HEATR1: variants seen among roughly 807,000 people sequenced by gnomAD.
The protein encoded by HEATR1 is HEAT repeat-containing protein 1.
Under a neutral mutation model 248.2 loss-of-function variants are expected in HEATR1, and 77 were observed. That is an observed-to-expected ratio of 0.31 (90% confidence interval 0.26 to 0.37). The LOEUF (loss-of-function observed/expected upper bound fraction) is 0.37, where lower values mean the gene tolerates loss of function less well. HEATR1 is among the 10% of genes least tolerant of loss of function. The pLI, the probability that HEATR1 is intolerant of heterozygous loss-of-function variation, is 1.00. For missense variants in HEATR1, 2,420 were observed against 2,504.9 expected (o/e 0.97, Z 0.72); for synonymous variants, 897 against 923.1 (o/e 0.97, Z 0.51).
chr1:236,571,597 A>T lies in HEATR1; in HGVS notation c.3797T>A (p.Leu1266Gln). 6.2e-7 allele frequency: 1 copy of T among 1,614,048 alleles called. No individual in the cohort carries two copies. Among genetic ancestry groups the T allele is most frequent in the Non-Finnish European group, 8.5e-7 (1 of 1,179,896 alleles). ...LSCLLNICQKLSPDGGKIPKD... is the reference protein window; with the variant it reads ...LSCLLNICQKQSPDGGKIPKD... ...GGGTATTTTGCCACCATCTGGAGATAGTTTTTGGCAGATGTTGAGCAGACA... is the reference window on the plus strand; with the variant it reads ...GGGTATTTTGCCACCATCTGGAGATTGTTTTTGGCAGATGTTGAGCAGACA... Residue 1266 changes from leucine (L) to glutamine (Q), a missense_variant, in exon 27 of 45, where the codon CTA becomes CAA. Physicochemically the swap from Leu to Gln is moderately radical, Grantham distance 113. Transcript: ENST00000366582.
At chr1:236,587,676 G>A (rs1024352937) in intron 13 of HEATR1, among the ~76,000 whole-genome samples, 186 bp from the exon 14 acceptor site, 1 of 151,964 alleles carries the variant, frequency 6.6e-6, no homozygotes, top group Non-Finnish European at 1.5e-5. Flanking sequence ...CAGGTCCCAA[G>A]GTATTTGCTA....
intron 26 of HEATR1, among the ~76,000 whole-genome samples, 172 bp from the exon 27 acceptor site, chr1:236,571,858 C>T (rs1663436329): frequency 6.6e-6 from 1 of 152,174 alleles, no homozygotes; most frequent in Non-Finnish European, 1.5e-5. Flanking sequence ...ATTTCTAACT[C>T]TAATTTTCTC....
At chr1:236,587,256 A>T in intron 14 of HEATR1, 146 bp downstream of exon 14, 1 of 387,212 alleles carries the variant, frequency 2.6e-6, no homozygotes, top group Non-Finnish European at 4.8e-6. Flanking sequence ...ATAATGAAAG[A>T]GAGTATTACA....
At chr1:236,604,249 G>A (rs1238843693) in intron 1 of HEATR1, 122 bp from the exon 2 acceptor site, 2 of 689,080 alleles carry the variant, frequency 2.9e-6, no homozygotes, top group Non-Finnish European at 4.4e-6. Flanking sequence ...TGAGATTTGT[G>A]GACCCCGGAG....
chr1:236,551,966 T>G (rs1176386181), intron 44 of HEATR1, 33 bp downstream of exon 44: 3 of 1,348,656 alleles, frequency 2.2e-6, no homozygotes, highest in Middle Eastern at 1.8e-4. Context: ...TATTCCTTAA[T>G]TGTTTAATGG....
At chr1:236,565,014 G>A (rs1663232661) in intron 31 of HEATR1, among the ~76,000 whole-genome samples, 1 of 152,202 alleles carries the variant, frequency 6.6e-6, no homozygotes, top group African/African-American at 2.4e-5. Flanking sequence ...GGTTGGCAGT[G>A]CAGTGTTAAA....
rs767335818 is a variant in HEATR1, at chr1:236,555,546, G to A, written c.5754+5C>T. On this transcript the variant is annotated splice_donor_5th_base_variant and intron_variant, in intron 40 of 44. Transcript: ENST00000366582. ...CAAAAGAGAGGAAGAGGAAGAAAGC[G>A]TCACCTTGAAGAACAGGGGCCTGAA... 42 of 1,614,096 alleles carry A rather than the reference G, an allele frequency of 2.6e-5. No individual in the cohort carries two copies. The highest frequency in any genetic ancestry group is 3.0e-5 in the Non-Finnish European group (35 of 1,179,958).
rs1662934634 is a variant in HEATR1 at position 236,555,312 on chromosome 1, C to A, written c.5907G>T (p.Val1969=). The part of the protein sequence containing the change: ...VKPFADTLNQ[V]NISKTDEAFF... ...ACCACCCACCTGTTTTGGAGATGTTCACCTGGTTCAAGGTGTCAGCAAAAG... is the reference window on the plus strand; with the variant it reads ...ACCACCCACCTGTTTTGGAGATGTTAACCTGGTTCAAGGTGTCAGCAAAAG... Residue 1969 remains valine (V), a synonymous_variant, in exon 41 of 45, where the codon GTG becomes GTT. Transcript: ENST00000366582. 5.6e-6 allele frequency: 9 copies of A among 1,613,972 alleles called. No homozygotes were observed. Among genetic ancestry groups the A allele is most frequent in the Non-Finnish European group, 7.6e-6 (9 of 1,180,016 alleles).
chr1:236,552,044 C>T lies in HEATR1; in HGVS notation c.6301G>A (p.Val2101Ile), dbSNP rs977899516. 6.2e-7 allele frequency: 1 copy of T among 1,613,598 alleles called. No individual in the cohort carries two copies. Among genetic ancestry groups the T allele is most frequent in the South Asian group, 1.1e-5 (1 of 91,054 alleles). ...LAEKLKENYI[V>I]LLPESIPFLA... ...AAAGGAATGGATTCTGGTAGCAAGA[C>T]AATATAATTCTCCTTTAGTTTTTCA... Residue 2101 changes from valine to isoleucine, a missense_variant, in exon 44 of 45, where the codon GTC (valine) becomes ATC (isoleucine). By Grantham distance (29) the Val-to-Ile change is conservative. Coordinates refer to ENST00000366582, the MANE Select transcript of HEATR1 (RefSeq NM_018072.6).
intron 15 of HEATR1, 36 bp from the exon 16 acceptor site, chr1:236,585,977 T>C (rs1247015454): frequency 1.2e-6 from 2 of 1,607,734 alleles, no homozygotes; most frequent in African/African-American, 1.3e-5. Context: ...AGCTCTTATG[T>C]CACCAACACT....
In HEATR1 at chr1:236,563,557, C is replaced by T. The variant is rs562850932; in HGVS notation, c.4599+941G>A. Among the ~76,000 whole-genome samples, 7 of 152,236 alleles carry T rather than the reference C, an allele frequency of 4.6e-5. No individual in the cohort carries two copies. In the South Asian group the frequency reaches 1.0e-3, roughly 23 times the overall value. ...AAAGTGCTGGGATTACAGGTGTGAG[C>T]GAGGATTTTTCTCTCTTAAGTTGTG... On this transcript the variant is annotated intron_variant, in intron 32 of 44. Coordinates refer to ENST00000366582, the MANE Select transcript of HEATR1 (RefSeq NM_018072.6).
Position 236,550,777 on chromosome 1 carries a change from C to A in HEATR1, c.*125G>T. 1 of 698,060 alleles carries A rather than the reference C, an allele frequency of 1.4e-6. No homozygotes were observed. The allele number at this position is 698,060 out of a possible 1,614,324, so 43.2% of individuals were successfully genotyped here. On this transcript the variant is annotated 3_prime_UTR_variant, in exon 45 of 45. Coordinates refer to ENST00000366582, the MANE Select transcript of HEATR1 (RefSeq NM_018072.6). ...GGGATTTTGTAAAGAAGTGATAAAA[C>A]ATTTGTAAGTAATCCAAGTAGGTGT...
chr1:236,594,217 C>T (rs1287315931), intron 8 of HEATR1, 103 bp from the exon 9 acceptor site: 2 of 654,904 alleles, frequency 3.1e-6, no homozygotes, highest in Non-Finnish European at 2.6e-6. Flanking sequence ...ATAAAACACA[C>T]ACACTGATAT....
chr1:236,570,275 C>T lies in HEATR1; in HGVS notation c.3948+1076G>A, dbSNP rs1053675436. On this transcript the variant is annotated intron_variant, in intron 28 of 44. Transcript: ENST00000366582. ...CTGCACTCCAGCCTCGGCAACAGAGCGAGACTCCGTCTCAAAACAAACAAA... is the reference window on the plus strand; with the variant it reads ...CTGCACTCCAGCCTCGGCAACAGAGTGAGACTCCGTCTCAAAACAAACAAA... Among the ~76,000 whole-genome samples the T allele has an allele frequency of 8.5e-5, 13 of 152,074 alleles. No homozygotes were observed. In the East Asian group the frequency reaches 1.4e-3, roughly 16 times the overall value.
intron 20 of HEATR1, among the ~76,000 whole-genome samples, chr1:236,579,935 A>C (rs942134857): frequency 6.0e-5 from 9 of 150,418 alleles, no homozygotes; most frequent in African/African-American, 1.7e-4. Context: ...ATTAAAAAAA[A>C]AACAACAAGA....
chr1:236,560,207 T>C lies in HEATR1; in HGVS notation c.4647-370A>G, dbSNP rs919958469. 7.2e-5 allele frequency among the ~76,000 whole-genome samples: 11 copies of C among 151,962 alleles called. No individual in the cohort carries two copies. In the East Asian group the frequency reaches 2.1e-3, roughly 29 times the overall value. Reference sequence around the variant, plus strand: ...TGGCCCTAGGTTAATGGCAGGTGTGTGCGCGCACACACACACAGGCACACA... The same window carrying C: ...TGGCCCTAGGTTAATGGCAGGTGTGCGCGCGCACACACACACAGGCACACA... On this transcript the variant is annotated intron_variant, in intron 33 of 44. Coordinates refer to ENST00000366582, the MANE Select transcript of HEATR1 (RefSeq NM_018072.6).
At chr1:236,583,710 C>G (rs977415189) in intron 17 of HEATR1, among the ~76,000 whole-genome samples, 2 of 152,068 alleles carry the variant, frequency 1.3e-5, no homozygotes, top group Admixed American at 1.3e-4. Context: ...TGGTCTCGAA[C>G]TCCTGTCCTC....
chr1:236,585,297 T>C (rs1157974245), intron 16 of HEATR1, 81 bp from the exon 17 acceptor site: 26 of 1,136,578 alleles, frequency 2.3e-5, no homozygotes, highest in Non-Finnish European at 3.1e-5. Context: ...TATCTAGGTA[T>C]TATGTGTTTT....
At chr1:236,559,679 C>T (rs1278105950) in intron 34 of HEATR1, 35 bp downstream of exon 34, 1 of 1,562,402 alleles carries the variant, frequency 6.4e-7, no homozygotes, top group Non-Finnish European at 8.7e-7. Flanking sequence ...AAAACAGCAA[C>T]AAAACAGTAA....
Sources: gnomAD v4.1 joint callset for allele counts (sites outside exome capture counted in the v4.1 genomes callset) on GRCh38, gnomAD v4.1.1 for gene constraint, MANE v1.5 for transcripts, NCBI Gene and HGNC (gene_info 2026-07-23, HGNC 2026-07-21) for gene names.